Variants in UNC80 observed in about 807,000 individuals in gnomAD.
UNC80 encodes protein unc-80 homolog.
Under a neutral mutation model 384.6 loss-of-function variants are expected in UNC80, and 164 were observed. The observed-to-expected ratio is 0.43, with a 90% CI of 0.38 to 0.49. The LOEUF (loss-of-function observed/expected upper bound fraction) is 0.49, where lower values mean the gene tolerates loss of function less well. Among genes scored for constraint, UNC80 ranks in the 20% least tolerant of loss-of-function variants. The pLI, the probability that UNC80 is intolerant of heterozygous loss-of-function variation, is 0.00. For missense variants in UNC80, 3,330 were observed against 4,143.0 expected, an observed-to-expected ratio of 0.80 and a Z score of 5.39; for synonymous variants, 1,486 against 1,527.8, an observed-to-expected ratio of 0.97 and a Z score of 0.64.
intron 36 of UNC80, among the ~76,000 whole-genome samples, chr2:209,927,529 G>A (rs73078960): frequency 1.3e-5 from 2 of 152,268 alleles, no homozygotes; most frequent in South Asian, 2.1e-4. Context: ...ATATCAGCAG[G>A]CAATCCAATG....
rs1559138135 is a variant in UNC80 at position 209,816,903 on chromosome 2, CTG to C, written c.1336-4_1336-3del. 2 of 1,551,616 alleles carry C rather than the reference CTG, an allele frequency of 1.3e-6. No homozygotes were observed. Among genetic ancestry groups the C allele is most frequent in the Admixed American group, 3.9e-5 (2 of 51,002 alleles). On this transcript the variant is annotated splice_polypyrimidine_tract_variant and splice_region_variant and intron_variant, in intron 9 of 64. Coordinates refer to ENST00000673920, the MANE Select transcript of UNC80 (RefSeq NM_001371986.1). ...GTGCCTAATTCTACACCTCTCATCA[CTG>C]TAGTTCAAGAGCCGCAAAGAAGACC... is the stretch of plus-strand genomic sequence containing the variant.
chr2:209,995,446 G>A lies in UNC80; in HGVS notation c.9826G>A (p.Glu3276Lys). The A allele has an allele frequency of 2.6e-6, 4 of 1,551,868 alleles. No individual in the cohort carries two copies. Among genetic ancestry groups the A allele is most frequent in the Non-Finnish European group, 3.5e-6 (4 of 1,147,030 alleles). ...LSDPDDFTGL[E>K]TSSLLQHGDT... ...TGACCCTGATGACTTCACAGGCCTC[G>A]AGACATCCAGCCTCCTACAGCATGG... Residue 3276 changes from glutamate (E) to lysine (K), a missense_variant, in exon 65 of 65, where the codon GAG (glutamate) becomes AAG (lysine). Glu to Lys is a moderately conservative substitution (Grantham distance 56). Around this residue, in one of 8 missense-constraint regions of UNC80, gnomAD observed 236 missense variants for 254.9 expected, o/e 0.93. Transcript: ENST00000673920.
intron 25 of UNC80, among the ~76,000 whole-genome samples, chr2:209,885,754 CT>C (rs1410561654): frequency 0.016 from 2,135 of 135,826 alleles, 39 homozygotes; most frequent in African/African-American, 0.046. Flanking sequence ...AAAATGTTAA[CT>C]TTTTTTTTTT....
rs1156678675 is a variant in UNC80, at chr2:209,967,626, GC to G, written c.7997del (p.Pro2666LeufsTer3). 1.9e-6 allele frequency: 3 copies of G among 1,551,496 alleles called. No individual in the cohort carries two copies. The highest frequency in any genetic ancestry group is 2.6e-6 in the Non-Finnish European group (3 of 1,146,860). On this transcript the variant is annotated frameshift_variant, in exon 52 of 65. Coordinates refer to ENST00000673920, the MANE Select transcript of UNC80 (RefSeq NM_001371986.1). LOFTEE classifies it high-confidence loss of function. ...GAATGTTCAACAAAATTCATAAGAT[GC>G]CTACTTTGAGGTGAGAATGCCTCCG... ...DRMFNKIHKM[P>X]TLRRQVEWEP...
chr2:209,862,649 C>CTTT (rs71043955), intron 22 of UNC80, among the ~76,000 whole-genome samples: 6 of 78,810 alleles, frequency 7.6e-5, no homozygotes, highest in East Asian at 2.9e-4. Context: ...GCAACCTCTG[C>CTTT]TTTTTTTTTT....
intron 25 of UNC80, among the ~76,000 whole-genome samples, chr2:209,885,214 G>T (rs1358738644): frequency 6.6e-6 from 1 of 152,086 alleles, no homozygotes; most frequent in African/African-American, 2.4e-5. Context: ...GTGGTGTGAT[G>T]GTTGCAGGGG....
At chr2:209,829,007 G>T (rs1434965429) in intron 14 of UNC80, among the ~76,000 whole-genome samples, 1 of 151,946 alleles carries the variant, frequency 6.6e-6, no homozygotes, top group Non-Finnish European at 1.5e-5. Context: ...TGAGCTTTGG[G>T]GTTTTTCCTA....
chr2:209,989,169 A>AT (rs1211477648), intron 61 of UNC80, among the ~76,000 whole-genome samples: 5 of 151,606 alleles, frequency 3.3e-5, no homozygotes, highest in African/African-American at 4.8e-5. Context: ...CAAAAAAAAA[A>AT]AAAAAAGTAT....
chr2:209,808,833 C>A, intron 7 of UNC80: 3 of 76,232 alleles, frequency 3.9e-5, no homozygotes, highest in South Asian at 2.0e-4. Context: ...TCAGGAAGCT[C>A]CCTGACCCTG....
At chr2:209,914,649 CTGTGTGTGTGTG>C (rs200222549) in intron 31 of UNC80, among the ~76,000 whole-genome samples, 9 of 128,498 alleles carry the variant, frequency 7.0e-5, no homozygotes, top group Admixed American at 1.7e-4. Context: ...CTAGGGTAAA[CTGTGTGTGTGTG>C]TGTGTGTGTG....
chr2:209,811,381 T>G (rs774004396), intron 7 of UNC80, among the ~76,000 whole-genome samples: 1 of 152,130 alleles, frequency 6.6e-6, no homozygotes, highest in South Asian at 2.1e-4. Context: ...AATAATATAT[T>G]GAAAGGATTT....
At chr2:209,905,692 G>A (rs1266733829) in intron 29 of UNC80, among the ~76,000 whole-genome samples, 2 of 152,186 alleles carry the variant, frequency 1.3e-5, no homozygotes, top group Non-Finnish European at 2.9e-5. Context: ...TAAAAAATAT[G>A]CATAAATAGG....
chr2:209,978,609 T>C lies in UNC80; in HGVS notation c.9019T>C (p.Ser3007Pro), dbSNP rs1202125962. ...YRLSLATMSR[S>P]NTGTGTVWEQ... ...CCTGAGCTTGGCCACCATGTCCCGCTCTAACACGGGCACGGGCACTGTCTG... is the reference window on the plus strand; with the variant it reads ...CCTGAGCTTGGCCACCATGTCCCGCCCTAACACGGGCACGGGCACTGTCTG... Residue 3007 changes from serine to proline, a missense_variant, in exon 59 of 65, where the codon TCT becomes CCT. Ser to Pro is a moderately conservative substitution (Grantham distance 74). Transcript: ENST00000673920. 3.2e-6 allele frequency: 5 copies of C among 1,551,452 alleles called. No individual in the cohort carries two copies. The highest frequency in any genetic ancestry group is 3.5e-6 in the Non-Finnish European group (4 of 1,146,916).
chr2:209,773,218 C>G, intron 2 of UNC80, 76 bp downstream of exon 2: 2 of 1,241,032 alleles, frequency 1.6e-6, no homozygotes, highest in South Asian at 2.5e-5. Flanking sequence ...GATTTTAAAT[C>G]AAACGGACTA....
At chr2:209,873,879 G>T (rs1490940324) in intron 23 of UNC80, among the ~76,000 whole-genome samples, 1 of 152,120 alleles carries the variant, frequency 6.6e-6, no homozygotes, top group Non-Finnish European at 1.5e-5. Flanking sequence ...TTTAGTATGT[G>T]TGCAGTCTTT....
intron 59 of UNC80, among the ~76,000 whole-genome samples, chr2:209,980,506 A>G (rs2093131973): frequency 6.6e-6 from 1 of 152,354 alleles, no homozygotes; most frequent in Middle Eastern, 3.4e-3. Flanking sequence ...AACCATCCCA[A>G]TGAAAGCAAG....
chr2:209,873,942 A>G (rs2084534576), intron 23 of UNC80, among the ~76,000 whole-genome samples: 1 of 151,710 alleles, frequency 6.6e-6, no homozygotes, highest in Non-Finnish European at 1.5e-5. Flanking sequence ...TCTTTCCTAT[A>G]TAAAAACATC....
rs755907070 is a variant in UNC80 at position 209,839,443 on chromosome 2, CTG to C, written c.3250+15_3250+16del. Reference sequence around the variant, plus strand: ...AAACTCCCCATAGGTAAAAGTATGTCTGTATTTGTTTATGGATTATCTTATTA... The same window carrying C: ...AAACTCCCCATAGGTAAAAGTATGTCTATTTGTTTATGGATTATCTTATTA... On this transcript the variant is annotated intron_variant, in intron 19 of 64. Coordinates refer to ENST00000673920, the MANE Select transcript of UNC80 (RefSeq NM_001371986.1). This position sits in a 1 kb window ranked among gnomAD's most constrained non-coding sequence, Gnocchi z 4.1. The C allele has an allele frequency of 3.4e-5, 53 of 1,551,580 alleles. No individual in the cohort carries two copies. In the African/African-American group the frequency reaches 7.1e-4, roughly 21 times the overall value.
chr2:209,859,936 A>G (rs2083228689), intron 22 of UNC80, among the ~76,000 whole-genome samples: 1 of 152,166 alleles, frequency 6.6e-6, no homozygotes, highest in Non-Finnish European at 1.5e-5. Flanking sequence ...CCTTTGTCAA[A>G]TGGGTAGATT....
Sources: allele counts gnomAD v4.1 joint callset (sites outside exome capture counted in the v4.1 genomes callset), GRCh38; gene constraint gnomAD v4.1.1; regional missense constraint gnomAD v4.1.1; non-coding constraint Gnocchi (gnomAD v3.1); transcripts MANE v1.5; gene names NCBI Gene and HGNC (gene_info 2026-07-23, HGNC 2026-07-21).